The following TMEM200A variants were observed in gnomAD, a reference collection of about 807,000 sequenced individuals.
TMEM200A encodes transmembrane protein 200A, also known as two transmembrane C.
In TMEM200A, 12 loss-of-function variants were observed where a neutral mutation model predicts 24.3. That is an observed-to-expected ratio of 0.49 (90% CI 0.32 to 0.80). The LOEUF (loss-of-function observed/expected upper bound fraction) is 0.80, where lower values mean the gene tolerates loss of function less well. Among genes scored for constraint, TMEM200A ranks in the 30% least tolerant of loss-of-function variants. The probability of loss-of-function intolerance (pLI) is 0.04; values close to 1 mark genes in which losing one functional copy is unlikely to be tolerated. For missense variants in TMEM200A, 545 were observed against 614.4 expected, an observed-to-expected ratio of 0.89 and a Z score of 1.19; for synonymous variants, 224 against 224.4, an observed-to-expected ratio of 1.00 and a Z score of 0.02.
chr6:130,433,899 T>G (rs1234085881), intron 2 of TMEM200A, among the ~76,000 whole-genome samples: 2 of 152,240 alleles, frequency 1.3e-5, no homozygotes, highest in East Asian at 1.9e-4. Context: ...AGAATCTATC[T>G]GCATGGCATA....
At chr6:130,439,478 G>A (rs980516052) in intron 2 of TMEM200A, 16 of 152,352 alleles carry the variant, frequency 1.1e-4, no homozygotes, top group African/African-American at 3.8e-4. Context: ...TGTGCTAGAA[G>A]GTAAGTTCAG....
intron 2 of TMEM200A, among the ~76,000 whole-genome samples, chr6:130,396,547 A>G (rs1372174137): frequency 6.6e-6 from 1 of 152,058 alleles, no homozygotes; most frequent in Non-Finnish European, 1.5e-5. Flanking sequence ...AAGTAAATAA[A>G]TGTTGGCAGT....
chr6:130,371,160 C>T (rs1362657377), intron 1 of TMEM200A, among the ~76,000 whole-genome samples: 1 of 152,106 alleles, frequency 6.6e-6, no homozygotes, highest in Non-Finnish European at 1.5e-5. Context: ...ACTAGGAAGA[C>T]ATCCTGGGCC....
intron 2 of TMEM200A, among the ~76,000 whole-genome samples, chr6:130,397,512 C>T (rs80333128): frequency 2.5e-3 from 377 of 152,104 alleles, no homozygotes; most frequent in African/African-American, 8.5e-3. Flanking sequence ...GTTTTTCCCC[C>T]TCTTTGGAGT....
intron 2 of TMEM200A, among the ~76,000 whole-genome samples, chr6:130,402,111 A>G (rs1174100121): frequency 1.3e-5 from 2 of 151,504 alleles, no homozygotes; most frequent in African/African-American, 4.8e-5. Context: ...TTTTATTACT[A>G]TGACTACAAA....
intron 2 of TMEM200A, chr6:130,438,334 T>G (rs931822903): frequency 2.8e-4 from 43 of 152,210 alleles, no homozygotes; most frequent in African/African-American, 1.0e-3. Context: ...ACCACAAGCC[T>G]GTTATTTAAA....
chr6:130,437,221 G>C (rs542144523), intron 2 of TMEM200A: 85 of 152,428 alleles, frequency 5.6e-4, no homozygotes, highest in African/African-American at 2.0e-3. Flanking sequence ...GTTGTGTGCT[G>C]GCCAAGTTCC....
chr6:130,416,240 A>T (rs1779445825), intron 2 of TMEM200A, among the ~76,000 whole-genome samples: 1 of 152,146 alleles, frequency 6.6e-6, no homozygotes. Flanking sequence ...TAAGAAAAAC[A>T]TTATTATGAT....
chr6:130,428,444 C>G, intron 2 of TMEM200A, among the ~76,000 whole-genome samples: 1 of 151,794 alleles, frequency 6.6e-6, no homozygotes, highest in Non-Finnish European at 1.5e-5. Context: ...TTCTTTCTTT[C>G]TTTTGCCCTT....
chr6:130,397,049 A>T (rs1037400211), intron 2 of TMEM200A, among the ~76,000 whole-genome samples: 1 of 152,196 alleles, frequency 6.6e-6, no homozygotes. Flanking sequence ...ACATTTTGTC[A>T]TTAAATATAT....
chr6:130,405,454 A>T (rs1318060182), intron 2 of TMEM200A, among the ~76,000 whole-genome samples: 5 of 151,970 alleles, frequency 3.3e-5, no homozygotes, highest in African/African-American at 9.7e-5. Flanking sequence ...AACTTTTAAG[A>T]ATTGCTCTTA....
At chr6:130,369,404 G>T (rs545028778) in intron 1 of TMEM200A, among the ~76,000 whole-genome samples, 1 of 152,304 alleles carries the variant, frequency 6.6e-6, no homozygotes, top group South Asian at 2.1e-4. Flanking sequence ...GAGACATAAG[G>T]TTAGGGTCAG....
chr6:130,441,938 A>G lies in TMEM200A; in HGVS notation c.*40A>G. ...ATCATTTTACAAGGGTATATATTTT[A>G]AAACGATTTTCACTGGTGTTTCCTT... is the stretch of plus-strand genomic sequence containing the variant. On this transcript the variant is annotated 3_prime_UTR_variant, in exon 3 of 3. Transcript: ENST00000296978. The G allele has an allele frequency of 6.6e-7, 1 of 1,520,194 alleles. No individual in the cohort carries two copies. The highest frequency in any genetic ancestry group is 8.8e-7 in the Non-Finnish European group (1 of 1,133,234). 94.2% of individuals were successfully genotyped at this position (1,520,194 alleles called of 1,614,324 possible).
intron 2 of TMEM200A, among the ~76,000 whole-genome samples, chr6:130,427,289 T>C (rs1402301529): frequency 6.6e-6 from 1 of 152,238 alleles, no homozygotes; most frequent in Non-Finnish European, 1.5e-5. Flanking sequence ...ACATTCTGTA[T>C]GTTTGCCATG....
At chr6:130,415,487 T>TA (rs1353510434) in intron 2 of TMEM200A, among the ~76,000 whole-genome samples, 1 of 152,184 alleles carries the variant, frequency 6.6e-6, no homozygotes, top group Non-Finnish European at 1.5e-5. Flanking sequence ...ATCAGCTCTA[T>TA]ATAATGAAAA....
rs1048052660 is a variant in TMEM200A at position 130,440,719 on chromosome 6, A to G, written c.297A>G (p.Thr99=). The G allele has an allele frequency of 6.2e-7, 1 of 1,614,138 alleles. No homozygotes were observed. Among genetic ancestry groups the G allele is most frequent in the South Asian group, 1.1e-5 (1 of 91,084 alleles). ...HFIDAETTLS[T]NETQVIRNEG... ...TTGATGCTGAAACAACACTGTCAAC[A>G]AATGAAACTCAGGTCATTCGGAATG... Residue 99 remains threonine (T), a synonymous_variant, in exon 3 of 3, where the codon ACA becomes ACG. Transcript: ENST00000296978.
At chr6:130,369,968 T>G (rs1204783098) in intron 1 of TMEM200A, among the ~76,000 whole-genome samples, 1 of 152,176 alleles carries the variant, frequency 6.6e-6, no homozygotes, top group Non-Finnish European at 1.5e-5. Flanking sequence ...TTCATTTGCT[T>G]GCATGTGTGA....
chr6:130,413,289 C>T (rs1779373413), intron 2 of TMEM200A, among the ~76,000 whole-genome samples: 2 of 152,180 alleles, frequency 1.3e-5, no homozygotes, highest in South Asian at 2.1e-4. Flanking sequence ...AAAACTTTGT[C>T]ATTGAGATGC....
At chr6:130,372,619 A>G (rs1778348872) in intron 1 of TMEM200A, among the ~76,000 whole-genome samples, 1 of 152,198 alleles carries the variant, frequency 6.6e-6, no homozygotes, top group South Asian at 2.1e-4. Flanking sequence ...TTCATGAAAC[A>G]CTCTAGTTAC....
Sources: allele counts gnomAD v4.1 joint callset (sites outside exome capture counted in the v4.1 genomes callset), GRCh38; gene constraint gnomAD v4.1.1; transcripts MANE v1.5; gene names NCBI Gene and HGNC (gene_info 2026-07-23, HGNC 2026-07-21).